ABLIM2: variants seen among roughly 807,000 people sequenced by gnomAD.
ABLIM2 encodes actin-binding LIM protein 2.
Under a neutral mutation model 97.7 loss-of-function variants are expected in ABLIM2, and 53 were observed. That is an observed-to-expected ratio of 0.54 (90% CI 0.44 to 0.68). The LOEUF (loss-of-function observed/expected upper bound fraction) is 0.68. Ranked by LOEUF, ABLIM2 falls within the 30% of genes least tolerant of loss-of-function variation. ABLIM2 has a pLI of 0.00. For missense variants in ABLIM2, 835 were observed against 867.2 expected (o/e 0.96, Z 0.47); for synonymous variants, 361 against 345.8 (o/e 1.04, Z -0.49).
rs1332601879 is a variant in ABLIM2 at position 8,122,808 on chromosome 4, A to C, written c.11-16171T>G. On this transcript the variant is annotated intron_variant, in intron 1 of 20. Transcript: ENST00000447017. The surrounding 1 kb of genome is among the most constrained non-coding windows in gnomAD (Gnocchi z 4.1). ...TTACGGATGGGCAAACAGAGGTTCC[A>C]AGCAGGAATGCACCTCCCCAGGCCA... Among the ~76,000 whole-genome samples, 1 of 152,054 alleles carries C rather than the reference A, an allele frequency of 6.6e-6. No individual in the cohort carries two copies. The highest frequency in any genetic ancestry group is 1.5e-5 in the Non-Finnish European group (1 of 67,996).
chr4:7,977,619 A>C (rs1734560323), intron 20 of ABLIM2, among the ~76,000 whole-genome samples: 1 of 151,952 alleles, frequency 6.6e-6, no homozygotes, highest in African/African-American at 2.4e-5. Context: ...GTGAAACCCC[A>C]TCTCTATTAA....
At chr4:7,967,700 G>T (rs1424581879) in intron 20 of ABLIM2, among the ~76,000 whole-genome samples, 4 of 152,228 alleles carry the variant, frequency 2.6e-5, no homozygotes, top group Non-Finnish European at 5.9e-5. Context: ...CCGTGGAAAG[G>T]CACACAGCTT....
At position 8,080,669 on chromosome 4, in the gene ABLIM2, C is replaced by G. The variant is rs371957451; in HGVS notation, c.581+7G>C. ...GAGGCTCTCACTAGAGCCCTCCCCC[C>G]ACTTACTTGCTGATGTACTCGGCAT... On this transcript the variant is annotated splice_region_variant and intron_variant, in intron 5 of 20. Transcript: ENST00000447017. 1.4e-5 allele frequency: 22 copies of G among 1,597,460 alleles called. No individual in the cohort carries two copies. The highest frequency in any genetic ancestry group is 1.7e-5 in the Non-Finnish European group (20 of 1,169,124).
rs73796849 is a variant in ABLIM2 at position 8,084,208 on chromosome 4, C to T, written c.455-3406G>A. Among the ~76,000 whole-genome samples, 609 of 152,342 alleles carry T rather than the reference C, an allele frequency of 4.0e-3. 3 individuals carry two copies. The highest frequency in any genetic ancestry group is 0.013 in the African/African-American group (559 of 41,584). On this transcript the variant is annotated intron_variant, in intron 4 of 20. Transcript: ENST00000447017. ...AAAAGCCGCTGGAAAAGATAAAACACGTTCAAGTTCGGCCCCAGCGCACTG... is the reference window on the plus strand; with the variant it reads ...AAAAGCCGCTGGAAAAGATAAAACATGTTCAAGTTCGGCCCCAGCGCACTG...
chr4:8,020,159 A>G, intron 13 of ABLIM2, 43 bp downstream of exon 13: 1 of 1,571,248 alleles, frequency 6.4e-7, no homozygotes, highest in East Asian at 2.2e-5. Context: ...CGGTGTGGAC[A>G]GTTTCAGTGT....
chr4:8,060,828 G>A (rs542713920), intron 7 of ABLIM2, 139 bp downstream of exon 7: 128 of 697,134 alleles, frequency 1.8e-4, no homozygotes, highest in Non-Finnish European at 2.7e-4. Context: ...CTGCCCTGCC[G>A]GCTCCCCGCT....
intron 5 of ABLIM2, among the ~76,000 whole-genome samples, chr4:8,080,383 ACT>A (rs1819001863): frequency 1.3e-5 from 2 of 151,794 alleles, no homozygotes; most frequent in South Asian, 4.2e-4. Flanking sequence ...CACTTCAAAA[ACT>A]CAGCACTGGC....
chr4:7,985,828 A>T (rs1037366442), intron 17 of ABLIM2, among the ~76,000 whole-genome samples: 1 of 152,204 alleles, frequency 6.6e-6, no homozygotes, highest in African/African-American at 2.4e-5. Context: ...AGTGTCTGGA[A>T]CGCTTTCCCT....
rs952471837 is a variant in ABLIM2 at position 8,027,770 on chromosome 4, G to A, written c.1256C>T (p.Pro419Leu). 1 of 1,590,030 alleles carries A rather than the reference G, an allele frequency of 6.3e-7. No individual in the cohort carries two copies. Among genetic ancestry groups the A allele is most frequent in the African/African-American group, 1.4e-5 (1 of 73,708 alleles). Residue 419 changes from proline (P) to leucine (L), a missense_variant, in exon 12 of 21, where the codon CCC (proline) becomes CTC (leucine). Transcript: ENST00000447017. ...ACTGCGTGCCTTACCTCGGAAGTAGGGGATGTAATGATGTCTGAACACGGA... is the reference window on the plus strand; with the variant it reads ...ACTGCGTGCCTTACCTCGGAAGTAGAGGATGTAATGATGTCTGAACACGGA... ...PTSVFRHHYI[P>L]YFRGSESGRS... is the part of the protein sequence containing the mutation.
At chr4:8,093,271 A>G (rs1361772016) in intron 3 of ABLIM2, among the ~76,000 whole-genome samples, 2 of 152,222 alleles carry the variant, frequency 1.3e-5, no homozygotes, top group Non-Finnish European at 2.9e-5. Flanking sequence ...GTGAGGGTGC[A>G]ACCTTGAACT....
At chr4:7,973,075 C>CTGTGTGTGTGTGTGTGCGTGTGTGTGTG (rs1729455899) in intron 20 of ABLIM2, among the ~76,000 whole-genome samples, 1 of 123,978 alleles carries the variant, frequency 8.1e-6, no homozygotes, top group African/African-American at 3.1e-5. Flanking sequence ...GCTCCCCTTG[C>CTGTGTGTGTGTGTGTGCGTGTGTGTGTG]TGTGTGTGTG....
rs769578001 is a variant in ABLIM2 at position 8,023,535 on chromosome 4, C to T, written c.1268-3232G>A. ...CAGCAGAGCGGATCACTGGCCGTGGCGGCCTTGCTGACCGGGTCATGCTCG... is the reference window on the plus strand; with the variant it reads ...CAGCAGAGCGGATCACTGGCCGTGGTGGCCTTGCTGACCGGGTCATGCTCG... On this transcript the variant is annotated intron_variant, in intron 12 of 20. Coordinates refer to ENST00000447017, the MANE Select transcript of ABLIM2 (RefSeq NM_001130083.2). This position sits in a 1 kb window ranked among gnomAD's most constrained non-coding sequence, Gnocchi z 5.7. Among the ~76,000 whole-genome samples, 9 of 152,218 alleles carry T rather than the reference C, an allele frequency of 5.9e-5. No individual in the cohort carries two copies. The South Asian group carries it at 8.3e-4, about 14-fold the overall frequency.
chr4:8,080,846 G>A (rs1819368499), intron 4 of ABLIM2, 44 bp from the exon 5 acceptor site: 1 of 1,568,860 alleles, frequency 6.4e-7, no homozygotes, highest in Non-Finnish European at 8.7e-7. Flanking sequence ...ACCATTGTGA[G>A]AGGTGTTGGG....
At chr4:8,108,734 C>A (rs1838763963) in intron 1 of ABLIM2, among the ~76,000 whole-genome samples, 1 of 152,266 alleles carries the variant, frequency 6.6e-6, no homozygotes, top group African/African-American at 2.4e-5. Context: ...CAGGAGCCAT[C>A]CTTTCCCCTC....
Position 7,966,937 on chromosome 4 carries a change from G to A in ABLIM2, c.*53C>T. 6 of 1,317,788 alleles carry A rather than the reference G, an allele frequency of 4.6e-6. No homozygotes were observed. Among genetic ancestry groups the A allele is most frequent in the Non-Finnish European group, 4.2e-6 (4 of 957,298 alleles). 81.6% of individuals were successfully genotyped at this position (1,317,788 alleles called of 1,614,324 possible). A position where few individuals can be genotyped will look rare whatever the true frequency, so the allele number is the denominator to read the frequency against. ...GGAGGGGTGTGTGCGGTTCTCGCCA[G>A]GGGCCCCTGGCCTCGGCGCCCGGCA... On this transcript the variant is annotated 3_prime_UTR_variant, in exon 21 of 21. Transcript: ENST00000447017.
At chr4:8,053,887 T>C (rs892649428) in intron 8 of ABLIM2, among the ~76,000 whole-genome samples, 2 of 152,206 alleles carry the variant, frequency 1.3e-5, no homozygotes, top group East Asian at 1.9e-4. Flanking sequence ...TGCCGCACCC[T>C]GCTCCTGGAT....
intron 6 of ABLIM2, among the ~76,000 whole-genome samples, chr4:8,064,315 C>G (rs928354612): frequency 1.3e-5 from 2 of 152,184 alleles, no homozygotes; most frequent in African/African-American, 4.8e-5. Flanking sequence ...GAGGGGGGCC[C>G]TTAAGAGGGG....
chr4:8,070,912 G>A (rs1015677869), intron 6 of ABLIM2, among the ~76,000 whole-genome samples: 7 of 152,134 alleles, frequency 4.6e-5, no homozygotes, highest in Admixed American at 2.0e-4. Flanking sequence ...GAGGCACACC[G>A]GTCCAGACCT....
At chr4:8,156,880 G>A (rs1314995033) in intron 1 of ABLIM2, among the ~76,000 whole-genome samples, 1 of 152,374 alleles carries the variant, frequency 6.6e-6, no homozygotes, top group African/African-American at 2.4e-5. Context: ...CCTGCTGTGC[G>A]CATCATCGGC....
Sources: gnomAD v4.1 joint callset for allele counts (sites outside exome capture counted in the v4.1 genomes callset) on GRCh38, gnomAD v4.1.1 for gene constraint, Gnocchi (gnomAD v3.1) non-coding constraint, MANE v1.5 for transcripts, NCBI Gene and HGNC (gene_info 2026-07-23, HGNC 2026-07-21) for gene names.